SLC8A1: variants seen among roughly 807,000 people sequenced by gnomAD.
SLC8A1 encodes the protein solute carrier family 8 member A1.
In SLC8A1, 18 loss-of-function variants were observed where a neutral mutation model predicts 68.3. The ratio of observed to expected loss-of-function variants is 0.26; its 90% confidence interval spans 0.18 to 0.39. The LOEUF (loss-of-function observed/expected upper bound fraction) is 0.39, where lower values mean the gene tolerates loss of function less well. Among genes scored for constraint, SLC8A1 ranks in the 10% least tolerant of loss-of-function variants. SLC8A1 has a pLI of 1.00. For missense variants in SLC8A1, 985 were observed against 1,156.7 expected (o/e 0.85, Z 2.15); for synonymous variants, 475 against 415.5 (o/e 1.14, Z -1.74).
At chr2:40,109,873 A>C (rs946095623) in exon 8 of SLC8A1, 1 of 152,206 alleles carries the variant, frequency 6.6e-6, no homozygotes, top group African/African-American at 2.4e-5. Context: ...TTGGGCAAGC[A>C]AGTCTTCCTG....
intron 1 of SLC8A1, among the ~76,000 whole-genome samples, chr2:40,480,026 A>C (rs957416452): frequency 6.6e-6 from 1 of 152,132 alleles, no homozygotes; most frequent in Non-Finnish European, 1.5e-5. Flanking sequence ...GCAGGATGGG[A>C]CTAACACAGG....
At chr2:40,478,874 C>T (rs1278199804) in intron 1 of SLC8A1, among the ~76,000 whole-genome samples, 2 of 151,822 alleles carry the variant, frequency 1.3e-5, no homozygotes, top group African/African-American at 2.4e-5. Flanking sequence ...TGGGTTCAAG[C>T]AATTCTCATG....
rs952991822 is a variant in SLC8A1 at position 40,189,108 on chromosome 2, G to C, written c.1809-11253C>G. 2.0e-5 allele frequency among the ~76,000 whole-genome samples: 3 copies of C among 152,132 alleles called. No homozygotes were observed. In the South Asian group the frequency reaches 6.2e-4, roughly 32 times the overall value. On this transcript the variant is annotated intron_variant, in intron 2 of 7. Coordinates refer to ENST00000406785, the Ensembl canonical transcript of SLC8A1. ...TCTTTTTTTAAATAAAATTTTTGAT[G>C]TATCCCTTTGGCTGTTGCTTTTCCT...
intron 2 of SLC8A1, among the ~76,000 whole-genome samples, chr2:40,183,192 C>A (rs114881045): frequency 0.011 from 1,605 of 152,272 alleles, 32 homozygotes; most frequent in African/African-American, 0.036. Context: ...AGTGAGTCTC[C>A]TGTGACTGGC....
exon 8 of SLC8A1, chr2:40,113,183 A>G (rs1161334597): frequency 6.6e-6 from 1 of 152,272 alleles, no homozygotes; most frequent in Non-Finnish European, 1.5e-5. Flanking sequence ...CAGTCACCAA[A>G]TGTTTATTAA....
intron 2 of SLC8A1, among the ~76,000 whole-genome samples, chr2:40,321,704 C>T (rs1401324192): frequency 6.6e-6 from 1 of 152,080 alleles, no homozygotes; most frequent in Non-Finnish European, 1.5e-5. Flanking sequence ...TGTGAGAACT[C>T]ACTATCACAA....
chr2:40,097,605 A>C (rs2033649590), exon 8 of SLC8A1: 1 of 151,998 alleles, frequency 6.6e-6, no homozygotes, highest in African/African-American at 2.4e-5. Flanking sequence ...GTTAGGACAC[A>C]CCTTGCAACA....
chr2:40,421,406 T>C (rs1250146737), intron 2 of SLC8A1, among the ~76,000 whole-genome samples: 1 of 152,146 alleles, frequency 6.6e-6, no homozygotes, highest in Non-Finnish European at 1.5e-5. Flanking sequence ...AAATTTGTCA[T>C]GGAAAAATGG....
chr2:40,505,061 A>G (rs1169768223), intron 1 of SLC8A1, among the ~76,000 whole-genome samples: 2 of 151,980 alleles, frequency 1.3e-5, no homozygotes, highest in Non-Finnish European at 2.9e-5. Context: ...CTCCCTAAGC[A>G]TCTATCAACA....
At chr2:40,302,435 C>T (rs1014754736) in intron 2 of SLC8A1, among the ~76,000 whole-genome samples, 4 of 129,398 alleles carry the variant, frequency 3.1e-5, no homozygotes, top group South Asian at 2.5e-4. Context: ...GGTAGTATTC[C>T]ATTGTGTGTG....
intron 2 of SLC8A1, among the ~76,000 whole-genome samples, chr2:40,382,226 C>A (rs1466841494): frequency 6.6e-6 from 1 of 152,082 alleles, no homozygotes; most frequent in Non-Finnish European, 1.5e-5. Context: ...CAGAGTCTAG[C>A]ATATTATAGC....
intron 2 of SLC8A1, among the ~76,000 whole-genome samples, chr2:40,180,192 C>T (rs1237945532): frequency 6.6e-6 from 1 of 150,506 alleles, no homozygotes; most frequent in Non-Finnish European, 1.5e-5. Context: ...CTGTAAACAG[C>T]TCCTTCCTGA....
intron 4 of SLC8A1, among the ~76,000 whole-genome samples, chr2:40,169,017 G>C (rs1364230201): frequency 6.6e-6 from 1 of 152,174 alleles, no homozygotes; most frequent in Non-Finnish European, 1.5e-5. Flanking sequence ...CTGAGTAATT[G>C]ATTTTGCAAG....
intron 2 of SLC8A1, among the ~76,000 whole-genome samples, chr2:40,325,544 C>T (rs771740307): frequency 2.6e-5 from 4 of 152,044 alleles, no homozygotes; most frequent in African/African-American, 7.2e-5. Flanking sequence ...TGTTATATTA[C>T]ATGTTATATT....
intron 2 of SLC8A1, among the ~76,000 whole-genome samples, chr2:40,183,062 G>T (rs1421465067): frequency 6.6e-6 from 1 of 152,130 alleles, no homozygotes; most frequent in Non-Finnish European, 1.5e-5. Context: ...TGGAATGATA[G>T]GCTCTTTGCA....
chr2:40,338,985 G>T (rs1249303617), intron 2 of SLC8A1, among the ~76,000 whole-genome samples: 2 of 152,210 alleles, frequency 1.3e-5, no homozygotes, highest in African/African-American at 4.8e-5. Flanking sequence ...TCCCTGGAAA[G>T]CGAAGTGTTG....
intron 2 of SLC8A1, among the ~76,000 whole-genome samples, chr2:40,398,280 G>C (rs1394422332): frequency 1.3e-5 from 2 of 152,104 alleles, no homozygotes; most frequent in African/African-American, 4.8e-5. Flanking sequence ...TGGCTTTTTA[G>C]AGGAGTCTCT....
exon 7 of SLC8A1, chr2:40,139,668 C>T (rs1304648825): frequency 1.2e-6 from 2 of 1,613,490 alleles, no homozygotes; most frequent in African/African-American, 1.3e-5. Context: ...TCGTCGTCAT[C>T]ATCTTCCCCT....
chr2:40,392,222 GAGAA>G (rs1459623312), intron 2 of SLC8A1, among the ~76,000 whole-genome samples: 3 of 151,036 alleles, frequency 2.0e-5, no homozygotes, highest in South Asian at 2.1e-4. Context: ...AAAAAGAAAA[GAGAA>G]AGAAAAAGAA....
Sources: allele counts gnomAD v4.1 joint callset (sites outside exome capture counted in the v4.1 genomes callset), GRCh38; gene constraint gnomAD v4.1.1; transcripts MANE v1.5; gene names NCBI Gene and HGNC (gene_info 2026-07-23, HGNC 2026-07-21).